Variants in SCUBE1 observed in about 807,000 individuals in gnomAD.
The protein encoded by SCUBE1 is signal peptide, CUB and EGF-like domain-containing protein 1.
Under a neutral mutation model 124.4 loss-of-function variants are expected in SCUBE1, and 59 were observed. The observed-to-expected ratio is 0.47, with a 90% CI of 0.38 to 0.59. SCUBE1 has a LOEUF of 0.59. Among genes scored for constraint, SCUBE1 ranks in the 20% least tolerant of loss-of-function variants. The pLI, the probability that SCUBE1 is intolerant of heterozygous loss-of-function variation, is 0.00. For missense variants in SCUBE1, 1,150 were observed against 1,371.2 expected, an observed-to-expected ratio of 0.84 and a Z score of 2.55; for synonymous variants, 545 against 550.9, an observed-to-expected ratio of 0.99 and a Z score of 0.15.
At chr22:43,219,635 G>GCCCA (rs1922001438) in intron 14 of SCUBE1, among the ~76,000 whole-genome samples, 1 of 151,986 alleles carries the variant, frequency 6.6e-6, no homozygotes, top group Admixed American at 6.6e-5. Flanking sequence ...CACCACACCT[G>GCCCA]GCTAATTTTT....
chr22:43,207,683 C>A (rs2146650757), intron 20 of SCUBE1, 70 bp from the exon 21 acceptor site: 1 of 1,177,434 alleles, frequency 8.5e-7, no homozygotes, highest in South Asian at 1.2e-5. Context: ...CTTTCACCTC[C>A]AGCCTCTGCC....
chr22:43,258,833 C>T lies in SCUBE1; in HGVS notation c.611-498G>A, dbSNP rs1923764832. Among the ~76,000 whole-genome samples the T allele has an allele frequency of 6.6e-6, 1 of 152,122 alleles. No homozygotes were observed. ...CCTGTCTTGGGGTGTGTGGATGTCTCCACGGAGGTCCCCCCTCAGAGTCCC... is the reference window on the plus strand; with the variant it reads ...CCTGTCTTGGGGTGTGTGGATGTCTTCACGGAGGTCCCCCCTCAGAGTCCC... On this transcript the variant is annotated intron_variant, in intron 5 of 21. Coordinates refer to ENST00000360835, the MANE Select transcript of SCUBE1 (RefSeq NM_173050.5). The surrounding 1 kb of genome is among the most constrained non-coding windows in gnomAD (Gnocchi z 5.0).
intron 21 of SCUBE1, among the ~76,000 whole-genome samples, chr22:43,204,514 G>A (rs1245301255): frequency 6.6e-6 from 1 of 151,956 alleles, no homozygotes; most frequent in Non-Finnish European, 1.5e-5. Flanking sequence ...GGCCAGCTTG[G>A]TCTCAGGCTC....
intron 3 of SCUBE1, among the ~76,000 whole-genome samples, chr22:43,304,215 C>T (rs753136692): frequency 6.6e-5 from 10 of 152,244 alleles, no homozygotes; most frequent in Non-Finnish European, 8.8e-5. Context: ...TCTGCACTTG[C>T]GGTGGCCTCA....
intron 3 of SCUBE1, among the ~76,000 whole-genome samples, chr22:43,297,274 C>T (rs1442629068): frequency 1.3e-5 from 2 of 152,230 alleles, no homozygotes; most frequent in African/African-American, 4.8e-5. Flanking sequence ...TCCTGGGTCT[C>T]AGCCTCCAGC....
intron 2 of SCUBE1, among the ~76,000 whole-genome samples, chr22:43,324,361 A>G (rs1926654323): frequency 6.6e-6 from 1 of 152,136 alleles, no homozygotes; most frequent in African/African-American, 2.4e-5. Flanking sequence ...TGCTGCTTGC[A>G]TTTCTTTCCT....
chr22:43,284,971 T>C lies in SCUBE1; in HGVS notation c.484+6075A>G, dbSNP rs372446293. On this transcript the variant is annotated intron_variant, in intron 4 of 21. Transcript: ENST00000360835. The stretch of plus-strand genomic sequence containing the variant: ...GGAGGGCAATGCGGTTTCCTACACG[T>C]ATTTATGCACGTGTTTAAACAAACT... Among the ~76,000 whole-genome samples the C allele has an allele frequency of 1.1e-4, 16 of 152,234 alleles. No homozygotes were observed. In the East Asian group the frequency reaches 1.5e-3, roughly 15 times the overall value.
At chr22:43,281,562 TC>T (rs1710043921) in intron 4 of SCUBE1, among the ~76,000 whole-genome samples, 1 of 129,188 alleles carries the variant, frequency 7.7e-6, no homozygotes, top group Non-Finnish European at 1.7e-5. Context: ...CACCTCCCCC[TC>T]AGCCACCCTC....
intron 3 of SCUBE1, among the ~76,000 whole-genome samples, chr22:43,301,386 G>C (rs1447829906): frequency 6.6e-6 from 1 of 151,984 alleles, no homozygotes; most frequent in South Asian, 2.1e-4. Flanking sequence ...CTCTGCCCAC[G>C]TCCCCCCGGG....
intron 3 of SCUBE1, among the ~76,000 whole-genome samples, chr22:43,294,495 G>A (rs949133549): frequency 2.0e-5 from 3 of 152,206 alleles, no homozygotes; most frequent in African/African-American, 7.2e-5. Context: ...AAGAGGTGCT[G>A]TGAGCCCAGC....
In SCUBE1 at chr22:43,291,172, C is replaced by T. The variant is rs761651559; in HGVS notation, c.358G>A (p.Glu120Lys). ...HDGHNCLDVDECQDNNGGCQQ... is the reference protein window; with the variant it reads ...HDGHNCLDVDKCQDNNGGCQQ... ...CAGCCACCATTATTGTCCTGACACTCGTCCACATCTGTGAGAAAAGGAAGA... is the reference window on the plus strand; with the variant it reads ...CAGCCACCATTATTGTCCTGACACTTGTCCACATCTGTGAGAAAAGGAAGA... Residue 120 changes from glutamate (E) to lysine (K), a missense_variant, in exon 4 of 22, where the codon GAG becomes AAG. Physicochemically the swap from Glu to Lys is moderately conservative, Grantham distance 56 (BLOSUM62 1). Around this residue, in one of 3 missense-constraint regions of SCUBE1, gnomAD observed 337 missense variants for 482.1 expected, o/e 0.70. Transcript: ENST00000360835. 1.2e-6 allele frequency: 2 copies of T among 1,607,118 alleles called. No individual in the cohort carries two copies. The highest frequency in any genetic ancestry group is 1.7e-5 in the Admixed American group (1 of 59,924).
chr22:43,233,661 C>A (rs1049878830), intron 7 of SCUBE1: 2 of 152,298 alleles, frequency 1.3e-5, no homozygotes, highest in African/African-American at 4.8e-5. Context: ...GCACTGAGCC[C>A]CGTAGAGGCA....
intron 13 of SCUBE1, 63 bp downstream of exon 13, chr22:43,221,110 C>T (rs1922072185): frequency 1.5e-6 from 2 of 1,357,478 alleles, no homozygotes; most frequent in Admixed American, 3.5e-5. Flanking sequence ...GCCCCAGCTC[C>T]CAGGCATGAG....
At chr22:43,296,093 A>G (rs1490659937) in intron 3 of SCUBE1, among the ~76,000 whole-genome samples, 2 of 152,176 alleles carry the variant, frequency 1.3e-5, no homozygotes, top group Non-Finnish European at 2.9e-5. Flanking sequence ...CTGGGCTAAG[A>G]GGAACAGCAG....
chr22:43,341,705 T>C (rs912426547), intron 1 of SCUBE1, among the ~76,000 whole-genome samples: 9 of 152,190 alleles, frequency 5.9e-5, no homozygotes, highest in African/African-American at 2.2e-4. Flanking sequence ...TTCTCTGCCA[T>C]GCTCCCGCTC....
At chr22:43,220,820 A>T (rs1922058603) in intron 13 of SCUBE1, among the ~76,000 whole-genome samples, 1 of 152,104 alleles carries the variant, frequency 6.6e-6, no homozygotes, top group Admixed American at 6.5e-5. Context: ...TCTCATACAT[A>T]TTCATGAATG....
At chr22:43,281,190 C>T (rs566108350) in intron 4 of SCUBE1, among the ~76,000 whole-genome samples, 1 of 9,650 alleles carries the variant, frequency 1.0e-4, no homozygotes, top group Admixed American at 9.1e-4. Flanking sequence ...CCTCCTGTCA[C>T]CTCCCTTGGC....
In SCUBE1 at chr22:43,212,425, C is replaced by T. The variant is rs1185254051; in HGVS notation, c.2221G>A (p.Val741Met). The change falls in exon 17 of 22, where the codon GTG becomes ATG. Residue 741 changes from valine (V) to methionine (M), a missense_variant and splice_region_variant. Around this residue, in one of 3 missense-constraint regions of SCUBE1, gnomAD observed 757 missense variants for 840.9 expected, o/e 0.90. Coordinates refer to ENST00000360835, the MANE Select transcript of SCUBE1 (RefSeq NM_173050.5). ...TTSFQDCEAK[V>M]HCSPGHHYNT... is the part of the protein sequence containing the mutation. Reference sequence around the variant, plus strand: ...GGCGTGGTGGGGAGGGCATGCTCACCTTTAGCCTCGCAGTCCTGGAAGGAG... The same window carrying T: ...GGCGTGGTGGGGAGGGCATGCTCACTTTTAGCCTCGCAGTCCTGGAAGGAG... 6.4e-7 allele frequency: 1 copy of T among 1,550,582 alleles called. No individual in the cohort carries two copies. Among genetic ancestry groups the T allele is most frequent in the Non-Finnish European group, 8.7e-7 (1 of 1,147,126 alleles).
chr22:43,246,867 G>C (rs966292104), intron 6 of SCUBE1, among the ~76,000 whole-genome samples: 8 of 149,720 alleles, frequency 5.3e-5, no homozygotes, highest in African/African-American at 1.7e-4. Context: ...CTGTGACTTC[G>C]TGGGGATGGG....
Sources: allele counts gnomAD v4.1 joint callset (sites outside exome capture counted in the v4.1 genomes callset), GRCh38; gene constraint gnomAD v4.1.1; regional missense constraint gnomAD v4.1.1; non-coding constraint Gnocchi (gnomAD v3.1); transcripts MANE v1.5; gene names NCBI Gene and HGNC (gene_info 2026-07-23, HGNC 2026-07-21).